The following C18orf54 variants were observed in gnomAD, a reference collection of about 807,000 sequenced individuals.
C18orf54 encodes the protein chromosome 18 open reading frame 54, also known as lung adenoma susceptibility protein 2.
In C18orf54, 49 loss-of-function variants were observed where a neutral mutation model predicts 49.3. The observed-to-expected ratio is 0.99, with a 90% CI of 0.79 to 1.26. The LOEUF (loss-of-function observed/expected upper bound fraction) is 1.26, where lower values mean the gene tolerates loss of function less well. C18orf54 is among the 50% of genes most tolerant of loss of function. The probability of loss-of-function intolerance (pLI) is 0.00; values close to 1 mark genes in which losing one functional copy is unlikely to be tolerated. For synonymous variants in C18orf54, 211 were observed against 216.6 expected, an observed-to-expected ratio of 0.97 and a Z score of 0.23; for missense variants, 687 against 620.6, an observed-to-expected ratio of 1.11 and a Z score of -1.14.
At chr18:54,359,763 C>T (rs2089225210) in intron 2 of C18orf54, among the ~76,000 whole-genome samples, 2 of 152,122 alleles carry the variant, frequency 1.3e-5, no homozygotes, top group African/African-American at 2.4e-5. Flanking sequence ...TGTTACTGTA[C>T]TGAGGTAGAC....
At position 54,362,119 on chromosome 18, in the gene C18orf54, A is replaced by C. The variant is rs1354498794; in HGVS notation, c.760A>C (p.Thr254Pro). Residue 254 changes from threonine to proline, a missense_variant, in exon 4 of 9, where the codon ACT becomes CCT. By Grantham distance (38) the Thr-to-Pro change is conservative. Coordinates refer to ENST00000620105, the MANE Select transcript of C18orf54 (RefSeq NM_001288980.2). Reference protein sequence around the residue: ...QKSDLNVSGITSIPDFKYPVW... With the variant: ...QKSDLNVSGIPSIPDFKYPVW... ...ATCTGACCTTAATGTTTCAGGGATA[A>C]CTAGTATACCTGATTTCAAATACCC... is the stretch of plus-strand genomic sequence containing the variant. 1 of 1,536,868 alleles carries C rather than the reference A, an allele frequency of 6.5e-7. No homozygotes were observed. The highest frequency in any genetic ancestry group is 8.7e-7 in the Non-Finnish European group (1 of 1,146,824).
chr18:54,381,303 G>C lies in C18orf54; in HGVS notation c.*3057G>C, dbSNP rs1325014723. The C allele has an allele frequency of 1.4e-5, 2 of 146,040 alleles. No individual in the cohort carries two copies. The highest frequency in any genetic ancestry group is 3.0e-5 in the Non-Finnish European group (2 of 66,918). The allele number at this position is 146,040 out of a possible 1,614,324, so 9.0% of individuals were successfully genotyped here. Reference sequence around the variant, plus strand: ...GCTTTTCATCCTCCCAGTGTATTCTGCATTGTCCTTACCCTAGATCAGCCC... The same window carrying C: ...GCTTTTCATCCTCCCAGTGTATTCTCCATTGTCCTTACCCTAGATCAGCCC... On this transcript the variant is annotated 3_prime_UTR_variant, in exon 9 of 9. Transcript: ENST00000620105.
chr18:54,361,782 T>G lies in C18orf54; in HGVS notation c.423T>G (p.Tyr141Ter). The G allele has an allele frequency of 1.2e-6, 2 of 1,614,084 alleles. No homozygotes were observed. Among genetic ancestry groups the G allele is most frequent in the East Asian group, 2.2e-5 (1 of 44,874 alleles). Residue 141 changes from tyrosine to a stop codon, truncating the protein, a stop_gained, in exon 4 of 9, where the codon TAT becomes TAG. Transcript: ENST00000620105. LOFTEE classifies it high-confidence loss of function. ...CAGATGGATCATTTTCTTATACTTA[T>G]GTTGGACCGAGTCACCGAACGAGCA... ...LPADGSFSYTYVGPSHRTSKK... is the reference protein window; with the variant it reads ...LPADGSFSYT
At chr18:54,366,965 T>C (rs2089398874) in intron 6 of C18orf54, among the ~76,000 whole-genome samples, 1 of 152,150 alleles carries the variant, frequency 6.6e-6, no homozygotes, top group Non-Finnish European at 1.5e-5. Flanking sequence ...TTGTCTCGTA[T>C]AAGTAAAGCT....
intron 6 of C18orf54, 111 bp from the exon 7 acceptor site, chr18:54,372,355 T>G: frequency 2.9e-6 from 3 of 1,037,940 alleles, no homozygotes; most frequent in Non-Finnish European, 4.0e-6. Flanking sequence ...TTGACATACA[T>G]TGTTTGGAGT....
rs1235448024 is a variant in C18orf54 at position 54,361,975 on chromosome 18, A to T, written c.616A>T (p.Asn206Tyr). The change falls in exon 4 of 9, where the codon AAT (asparagine) becomes TAT (tyrosine). Residue 206 changes from asparagine (N) to tyrosine (Y), a missense_variant. By Grantham distance (143) the Asn-to-Tyr change is moderately radical. Transcript: ENST00000620105. ...TAGGCTGAAAAACCCAAAACTTATG[A>T]ATAGGACTAATAATTGCATTTCTGA... is the stretch of plus-strand genomic sequence containing the variant. ...CGRLKNPKLM[N>Y]RTNNCISESS... is the part of the protein sequence containing the mutation. 1 of 1,613,732 alleles carries T rather than the reference A, an allele frequency of 6.2e-7. No homozygotes were observed. The highest frequency in any genetic ancestry group is 2.2e-5 in the East Asian group (1 of 44,886).
chr18:54,360,711 TCTG>T lies in C18orf54; in HGVS notation c.142_144del (p.Ala48del), dbSNP rs1400287558. ...TCACTATAAAGATAAGCTGTACAGA[TCTG>T]CTTCTCAAGCTCTACAGGCTTATAT... On this transcript the variant is annotated inframe_deletion, in exon 3 of 9. Coordinates refer to ENST00000620105, the MANE Select transcript of C18orf54 (RefSeq NM_001288980.2). 1 of 1,614,088 alleles carries T rather than the reference TCTG, an allele frequency of 6.2e-7. No homozygotes were observed. The highest frequency in any genetic ancestry group is 8.5e-7 in the Non-Finnish European group (1 of 1,179,954).
Position 54,360,846 on chromosome 18 carries a change from C to A in C18orf54, c.274C>A (p.Pro92Thr), listed in dbSNP as rs1568180403. The change falls in exon 3 of 9, where the codon CCA becomes ACA. Residue 92 changes from proline to threonine, a missense_variant. Transcript: ENST00000620105. ...ACAGTTCTGCAACTATATTTACAAA[C>A]CAAACAATGGTATGCTTTTATTCTT... ...MSQFCNYIYK[P>T]NNAFENLDHK... is the part of the protein sequence containing the mutation. 1.2e-6 allele frequency: 2 copies of A among 1,610,416 alleles called. No homozygotes were observed. Among genetic ancestry groups the A allele is most frequent in the Admixed American group, 1.7e-5 (1 of 59,998 alleles).
chr18:54,360,666 T>G lies in C18orf54; in HGVS notation c.94T>G (p.Ser32Ala). 1 of 1,614,112 alleles carries G rather than the reference T, an allele frequency of 6.2e-7. No individual in the cohort carries two copies. The highest frequency in any genetic ancestry group is 2.2e-5 in the East Asian group (1 of 44,882). The change falls in exon 3 of 9, where the codon TCT becomes GCT. Residue 32 changes from serine to alanine, a missense_variant. By Grantham distance (99) the Ser-to-Ala change is moderately conservative. Transcript: ENST00000620105. ...ASCTLSGSNS[S>A]NSDGSFHYKD... ...CTGCACCCTGAGTGGTAGTAATTCC[T>G]CTAATTCTGATGGCTCGTTTCACTA...
rs1375055639 is a variant in C18orf54 at position 54,365,751 on chromosome 18, G to A, written c.1256G>A (p.Ser419Asn). The A allele has an allele frequency of 1.9e-6, 3 of 1,598,812 alleles. No individual in the cohort carries two copies. The highest frequency in any genetic ancestry group is 1.1e-5 in the South Asian group (1 of 88,502). ...CCTGTTCCCGTTAACTCTGATGATA[G>A]TCCTCAACAAACTTCAAGGGCAAAG... ...KSPVPVNSDD[S>N]PQQTSRAKSA... The change falls in exon 6 of 9, where the codon AGT (serine) becomes AAT (asparagine). Residue 419 changes from serine (S) to asparagine (N), a missense_variant. Physicochemically the swap from Ser to Asn is conservative, Grantham distance 46. Transcript: ENST00000620105.
Position 54,360,578 on chromosome 18 carries a change from G to A in C18orf54, c.6G>A (p.Ala2=), listed in dbSNP as rs139710634. ...CAATCCACTTTGAAGAAGCCATGGC[G>A]AAATCAAAGACAAAACATAGACTTT... The part of the protein sequence containing the change: M[A]KSKTKHRLCS... Residue 2 remains alanine, a synonymous_variant, in exon 3 of 9, where the codon GCG becomes GCA. Transcript: ENST00000620105. 1.4e-4 allele frequency: 218 copies of A among 1,613,470 alleles called. No individual in the cohort carries two copies. The African/African-American group carries it at 2.5e-3, about 18-fold the overall frequency.
chr18:54,361,007 A>G (rs1035562829), intron 3 of C18orf54, 152 bp downstream of exon 3: 2 of 753,722 alleles, frequency 2.7e-6, no homozygotes, highest in East Asian at 5.3e-5. Context: ...AAATGATTAT[A>G]TAATTCTCTG....
intron 7 of C18orf54, 129 bp downstream of exon 7, chr18:54,372,726 C>A: frequency 1.2e-6 from 1 of 826,924 alleles, no homozygotes; most frequent in Non-Finnish European, 1.8e-6. Flanking sequence ...TTGTAAGTGG[C>A]AGTAGTTTTT....
chr18:54,365,604 T>A, intron 5 of C18orf54, 115 bp from the exon 6 acceptor site: 1 of 552,136 alleles, frequency 1.8e-6, no homozygotes, highest in South Asian at 3.5e-5. Flanking sequence ...ATATCCATGA[T>A]GATTATTTCT....
rs530333177 is a variant in C18orf54, at chr18:54,364,456, T to C, written c.1224-1263T>C. 5.3e-5 allele frequency among the ~76,000 whole-genome samples: 8 copies of C among 152,214 alleles called. No individual in the cohort carries two copies. The South Asian group carries it at 1.2e-3, about 24-fold the overall frequency. Reference sequence around the variant, plus strand: ...CATTTTTGGAAGACTGAATTTATATTGTGAAGGGAATGTTTGTAGATAAAA... The same window carrying C: ...CATTTTTGGAAGACTGAATTTATATCGTGAAGGGAATGTTTGTAGATAAAA... On this transcript the variant is annotated intron_variant, in intron 5 of 8. Coordinates refer to ENST00000620105, the MANE Select transcript of C18orf54 (RefSeq NM_001288980.2).
rs1180190353 is a variant in C18orf54, at chr18:54,380,720, ATG to A, written c.*2478_*2479del. 1 of 152,124 alleles carries A rather than the reference ATG, an allele frequency of 6.6e-6. No individual in the cohort carries two copies. The highest frequency in any genetic ancestry group is 1.5e-5 in the Non-Finnish European group (1 of 67,980). 9.4% of individuals were successfully genotyped at this position (152,124 alleles called of 1,614,324 possible). A position where few individuals can be genotyped will look rare whatever the true frequency, so the allele number is the denominator to read the frequency against. ...TTGTTTTAGTATTTAATGGTGTATA[ATG>A]TGTTATTACATTATATGTAGTTATA... On this transcript the variant is annotated 3_prime_UTR_variant, in exon 9 of 9. Coordinates refer to ENST00000620105, the MANE Select transcript of C18orf54 (RefSeq NM_001288980.2).
In C18orf54 at chr18:54,362,334, TAAAG is replaced by T; in HGVS notation, c.978_981del (p.Lys326AsnfsTer2). 6.5e-7 allele frequency: 1 copy of T among 1,535,994 alleles called. No homozygotes were observed. Among genetic ancestry groups the T allele is most frequent in the Non-Finnish European group, 8.7e-7 (1 of 1,146,748 alleles). ...ACTTTTCAAATTCCTTGAGTGATGATAAAGAATTAGTTAATGAATACAAATGTGA... is the reference window on the plus strand; with the variant it reads ...ACTTTTCAAATTCCTTGAGTGATGATAATTAGTTAATGAATACAAATGTGA... On this transcript the variant is annotated frameshift_variant, in exon 4 of 9. Transcript: ENST00000620105. LOFTEE classifies it high-confidence loss of function.
chr18:54,361,495 C>G, intron 3 of C18orf54, 148 bp from the exon 4 acceptor site: 1 of 627,876 alleles, frequency 1.6e-6, no homozygotes, highest in East Asian at 3.0e-5. Context: ...CTGTTTTATC[C>G]ACCTACACCT....
intron 5 of C18orf54, among the ~76,000 whole-genome samples, chr18:54,364,254 G>A (rs887963820): frequency 6.6e-6 from 1 of 151,900 alleles, no homozygotes; most frequent in Non-Finnish European, 1.5e-5. Context: ...TATTAATAAA[G>A]TATCATAGCT....
Sources: gnomAD v4.1 joint callset for allele counts (sites outside exome capture counted in the v4.1 genomes callset) on GRCh38, gnomAD v4.1.1 for gene constraint, MANE v1.5 for transcripts, NCBI Gene and HGNC (gene_info 2026-07-23, HGNC 2026-07-21) for gene names.